The following NVL variants were observed in gnomAD, a reference collection of about 807,000 sequenced individuals.
The protein encoded by NVL is nuclear valosin-containing protein-like.
Under a neutral mutation model 110.2 loss-of-function variants are expected in NVL, and 84 were observed. The ratio of observed to expected loss-of-function variants is 0.76; its 90% CI spans 0.64 to 0.91. The LOEUF is 0.91. NVL is among the 40% of genes least tolerant of loss of function. NVL has a pLI of 0.00. For synonymous variants in NVL, 354 were observed against 361.1 expected (o/e 0.98, Z 0.22); for missense variants, 882 against 1,035.9 (o/e 0.85, Z 2.04).
At chr1:224,276,582 T>C (rs1276485129) in intron 16 of NVL, among the ~76,000 whole-genome samples, 2 of 152,284 alleles carry the variant, frequency 1.3e-5, no homozygotes, top group East Asian at 1.9e-4. Context: ...TTAATGACTA[T>C]ATGGCCATAC....
At chr1:224,271,839 C>A (rs1043264251) in intron 17 of NVL, among the ~76,000 whole-genome samples, 2 of 151,018 alleles carry the variant, frequency 1.3e-5, no homozygotes, top group African/African-American at 2.4e-5. Flanking sequence ...AGTGAAACCC[C>A]ATCTCTACTA....
chr1:224,227,570 G>C lies in NVL; in HGVS notation c.*56C>G, dbSNP rs1046953203. ...TGAAAGTGGGTCCTTCAGAGCGTGTGGGGGATTCTCTGCCGGCTTGATGGG... is the reference window on the plus strand; with the variant it reads ...TGAAAGTGGGTCCTTCAGAGCGTGTCGGGGATTCTCTGCCGGCTTGATGGG... On this transcript the variant is annotated 3_prime_UTR_variant, in exon 23 of 23. Transcript: ENST00000281701. 9.1e-6 allele frequency: 14 copies of C among 1,546,152 alleles called. No individual in the cohort carries two copies. In the Admixed American group the frequency reaches 2.4e-4, roughly 27 times the overall value.
intron 19 of NVL, among the ~76,000 whole-genome samples, chr1:224,249,076 C>T (rs1448209933): frequency 6.6e-6 from 1 of 152,184 alleles, no homozygotes; most frequent in East Asian, 1.9e-4. Context: ...CTTCTACAGA[C>T]CTCAAAATGT....
intron 1 of NVL, among the ~76,000 whole-genome samples, chr1:224,327,766 A>G (rs1259946324): frequency 2.0e-5 from 3 of 151,284 alleles, no homozygotes; most frequent in African/African-American, 7.3e-5. Context: ...GTGTGAGGAC[A>G]GAGAAGAGGC....
Position 224,227,505 on chromosome 1 carries a change from G to A in NVL, c.*121C>T. On this transcript the variant is annotated 3_prime_UTR_variant, in exon 23 of 23. Coordinates refer to ENST00000281701, the MANE Select transcript of NVL (RefSeq NM_002533.4). ...AGCTTCAGCTTGGCCTCATTCATTTGAAAATAAAATGTTTACATGAGGCCG... is the reference window on the plus strand; with the variant it reads ...AGCTTCAGCTTGGCCTCATTCATTTAAAAATAAAATGTTTACATGAGGCCG... 1 of 687,302 alleles carries A rather than the reference G, an allele frequency of 1.5e-6. No homozygotes were observed. Among genetic ancestry groups the A allele is most frequent in the African/African-American group, 1.8e-5 (1 of 54,594 alleles). 42.6% of individuals were successfully genotyped at this position (687,302 alleles called of 1,614,324 possible).
chr1:224,285,911 A>C, intron 15 of NVL, 115 bp downstream of exon 15: 1 of 700,448 alleles, frequency 1.4e-6, no homozygotes, highest in Non-Finnish European at 2.3e-6. Context: ...GCTAAAATAA[A>C]CTTCTGATAA....
intron 19 of NVL, among the ~76,000 whole-genome samples, chr1:224,240,963 T>G (rs937650980): frequency 1.3e-5 from 2 of 151,942 alleles, no homozygotes; most frequent in African/African-American, 2.4e-5. Context: ...GCTAATTTTT[T>G]GTATGTTTAG....
At chr1:224,294,759 T>C (rs548896335) in intron 11 of NVL, among the ~76,000 whole-genome samples, 45 of 152,222 alleles carry the variant, frequency 3.0e-4, no homozygotes, top group African/African-American at 1.1e-3. Context: ...GGAGGGTTCA[T>C]GGAGGTGGTA....
intron 1 of NVL, among the ~76,000 whole-genome samples, chr1:224,327,643 C>G (rs916925334): frequency 1.3e-5 from 2 of 151,572 alleles, no homozygotes; most frequent in Non-Finnish European, 2.9e-5. Context: ...CAATCTGAAA[C>G]ATTTTTTGGT....
chr1:224,272,959 G>A (rs1406649067), intron 17 of NVL, among the ~76,000 whole-genome samples: 4 of 147,884 alleles, frequency 2.7e-5, no homozygotes, highest in Admixed American at 6.7e-5. Flanking sequence ...GCGTGAACCC[G>A]GGAGGCGGAG....
At chr1:224,308,828 G>A (rs560754480) in intron 5 of NVL, among the ~76,000 whole-genome samples, 7 of 152,024 alleles carry the variant, frequency 4.6e-5, no homozygotes, top group African/African-American at 7.2e-5. Context: ...TTGGGAAGCC[G>A]AGGCGGGCGG....
intron 2 of NVL, 51 bp from the exon 3 acceptor site, chr1:224,317,981 T>C (rs762897737): frequency 1.0e-5 from 13 of 1,264,474 alleles, no homozygotes; most frequent in Middle Eastern, 2.7e-4. Flanking sequence ...CCAATATTTT[T>C]CCATTAAGTT....
At chr1:224,240,641 AG>A (rs1300958406) in intron 19 of NVL, among the ~76,000 whole-genome samples, 1 of 152,190 alleles carries the variant, frequency 6.6e-6, no homozygotes, top group Non-Finnish European at 1.5e-5. Context: ...TAAATAAATG[AG>A]GTGGGGTATG....
At chr1:224,303,676 A>T (rs1004114764) in intron 9 of NVL, 47 bp downstream of exon 9, 8 of 1,581,428 alleles carry the variant, frequency 5.1e-6, no homozygotes, top group Non-Finnish European at 6.0e-6. Context: ...AAAAACAAAT[A>T]ATAACAACAA....
rs183889756 is a variant in NVL at position 224,263,115 on chromosome 1, T to C, written c.2182+4919A>G. 2.9e-3 allele frequency among the ~76,000 whole-genome samples: 449 copies of C among 152,330 alleles called. 3 individuals carry two copies. The highest frequency in any genetic ancestry group is 0.01 in the African/African-American group (416 of 41,576). Reference sequence around the variant, plus strand: ...AAAAAATAGCTCAAGTGGTTGCCTCTGGGCAGGGGATTAGAAGGGATGGGA... The same window carrying C: ...AAAAAATAGCTCAAGTGGTTGCCTCCGGGCAGGGGATTAGAAGGGATGGGA... On this transcript the variant is annotated intron_variant, in intron 18 of 22. Transcript: ENST00000281701.
At chr1:224,291,309 G>A (rs1371331606) in intron 12 of NVL, among the ~76,000 whole-genome samples, 1 of 152,136 alleles carries the variant, frequency 6.6e-6, no homozygotes, top group Admixed American at 6.6e-5. Context: ...AGGTTCAAGC[G>A]ATTCTCCTGC....
intron 18 of NVL, among the ~76,000 whole-genome samples, chr1:224,252,728 A>G (rs1323942591): frequency 6.6e-6 from 1 of 152,198 alleles, no homozygotes; most frequent in African/African-American, 2.4e-5. Context: ...ATCATACTAG[A>G]GCATGGTTCA....
intron 19 of NVL, among the ~76,000 whole-genome samples, chr1:224,238,061 G>T (rs958329128): frequency 6.6e-6 from 1 of 151,398 alleles, no homozygotes; most frequent in Admixed American, 6.6e-5. Flanking sequence ...TTGAGACAGG[G>T]TCTGGCTCTG....
At chr1:224,307,751 G>A (rs923701104) in intron 6 of NVL, among the ~76,000 whole-genome samples, 2 of 151,126 alleles carry the variant, frequency 1.3e-5, no homozygotes, top group East Asian at 3.9e-4. Flanking sequence ...AATAAACTAG[G>A]GGAACAAGAA....
Sources: gnomAD v4.1 joint callset for allele counts (sites outside exome capture counted in the v4.1 genomes callset) on GRCh38, gnomAD v4.1.1 for gene constraint, MANE v1.5 for transcripts, NCBI Gene and HGNC (gene_info 2026-07-23, HGNC 2026-07-21) for gene names.